The following CTNND2 variants were observed in gnomAD, a reference collection of about 807,000 sequenced individuals.
CTNND2 encodes catenin delta 2.
CTNND2 carries 22 observed loss-of-function variants against 144.4 expected under a neutral mutation model. The ratio of observed to expected loss-of-function variants is 0.15; its 90% confidence interval spans 0.11 to 0.22. The LOEUF is 0.22. Ranked by LOEUF, CTNND2 falls within the 10% of genes least tolerant of loss-of-function variation. CTNND2 has a pLI of 1.00. For missense variants in CTNND2, 1,353 were observed against 1,618.8 expected (o/e 0.84, Z 2.82); for synonymous variants, 751 against 695.6 (o/e 1.08, Z -1.25).
chr5:11,354,842 T>C (rs532145214), intron 8 of CTNND2, among the ~76,000 whole-genome samples: 1 of 152,286 alleles, frequency 6.6e-6, no homozygotes, highest in Admixed American at 6.5e-5. Context: ...GGATAGATCA[T>C]ATGTGGCCAC....
chr5:11,278,735 T>C (rs554476479), intron 9 of CTNND2, among the ~76,000 whole-genome samples: 8 of 151,980 alleles, frequency 5.3e-5, no homozygotes, highest in South Asian at 4.2e-4. Flanking sequence ...AGGAGGGAAA[T>C]AGATGAAGAT....
At chr5:11,153,228 C>T (rs1054624319) in intron 12 of CTNND2, among the ~76,000 whole-genome samples, 2 of 152,202 alleles carry the variant, frequency 1.3e-5, no homozygotes, top group Middle Eastern at 6.8e-3. Context: ...TGCCACTGCA[C>T]TCTAGCCTGG....
chr5:11,304,822 T>A (rs998683315), intron 9 of CTNND2, among the ~76,000 whole-genome samples: 1 of 152,222 alleles, frequency 6.6e-6, no homozygotes, highest in Admixed American at 6.5e-5. Context: ...GTTTTGTGCA[T>A]CCACCTGTTC....
rs1235541538 is a variant in CTNND2 at position 11,669,018 on chromosome 5, T to A, written c.174+63118A>T. Among the ~76,000 whole-genome samples the A allele has an allele frequency of 1.3e-5, 2 of 152,212 alleles. 1 individual carries two copies. Among genetic ancestry groups the A allele is most frequent in the Admixed American group, 1.3e-4 (2 of 15,286 alleles). On this transcript the variant is annotated intron_variant, in intron 2 of 21. Coordinates refer to ENST00000304623, the MANE Select transcript of CTNND2 (RefSeq NM_001332.4). ...AAAGCCCTTTCTGCATCTCTTGAGA[T>A]AATCATGTGGTTTTTGTCATTAGTT...
At chr5:11,319,514 C>T (rs749751512) in intron 9 of CTNND2, among the ~76,000 whole-genome samples, 13 of 151,950 alleles carry the variant, frequency 8.6e-5, no homozygotes, top group South Asian at 2.1e-4. Context: ...TTTATTTATT[C>T]GTTTATTTTT....
At chr5:11,302,876 G>T (rs778245669) in intron 9 of CTNND2, among the ~76,000 whole-genome samples, 1 of 152,168 alleles carries the variant, frequency 6.6e-6, no homozygotes, top group Non-Finnish European at 1.5e-5. Flanking sequence ...AGGAGGAGGA[G>T]GACCATTTCA....
At chr5:10,992,980 A>G (rs925312015) in intron 18 of CTNND2, among the ~76,000 whole-genome samples, 2 of 152,134 alleles carry the variant, frequency 1.3e-5, no homozygotes. Context: ...GATGCTCAGA[A>G]TGTTAGGGGA....
chr5:11,828,660 G>A (rs1247610462), intron 1 of CTNND2, among the ~76,000 whole-genome samples: 2 of 152,186 alleles, frequency 1.3e-5, no homozygotes, highest in Non-Finnish European at 2.9e-5. Flanking sequence ...CAGCCACGTG[G>A]AACAGTAATT....
At chr5:11,382,167 G>A (rs1444900335) in intron 7 of CTNND2, among the ~76,000 whole-genome samples, 1 of 152,122 alleles carries the variant, frequency 6.6e-6, no homozygotes, top group Non-Finnish European at 1.5e-5. Context: ...TTCCTAATTA[G>A]AGCCTTCCCT....
At chr5:11,026,356 C>CTTTTTTTTTTTTT (rs67196223) in intron 16 of CTNND2, among the ~76,000 whole-genome samples, 2 of 117,042 alleles carry the variant, frequency 1.7e-5, no homozygotes, top group African/African-American at 3.1e-5. Context: ...CCTTCTTCTT[C>CTTTTTTTTTTTTT]TTTTTTTTTT....
chr5:11,005,406 C>A lies in CTNND2; in HGVS notation c.3084+12568G>T, dbSNP rs146151869. On this transcript the variant is annotated intron_variant, in intron 18 of 21. Coordinates refer to ENST00000304623, the MANE Select transcript of CTNND2 (RefSeq NM_001332.4). ...AGATCGGGATTTTTAAAAGTATATT[C>A]TGAATGCTTAATGGAAAATAGACTG... Among the ~76,000 whole-genome samples the A allele has an allele frequency of 2.0e-5, 3 of 152,222 alleles. No homozygotes were observed. The East Asian group carries it at 5.8e-4, about 29-fold the overall frequency.
At chr5:11,424,726 G>A (rs77904019) in intron 3 of CTNND2, among the ~76,000 whole-genome samples, 2,039 of 152,212 alleles carry the variant, frequency 0.013, 21 homozygotes, top group African/African-American at 0.017. Context: ...TCCCAGACTG[G>A]TTCTTTATGT....
In CTNND2 at chr5:11,267,627, A is replaced by C. The variant is rs12653023; in HGVS notation, c.1629-30804T>G. Among the ~76,000 whole-genome samples the C allele has an allele frequency of 3.3e-5, 5 of 152,330 alleles. No homozygotes were observed. In the East Asian group the frequency reaches 9.6e-4, roughly 29 times the overall value. On this transcript the variant is annotated intron_variant, in intron 9 of 21. Coordinates refer to ENST00000304623, the MANE Select transcript of CTNND2 (RefSeq NM_001332.4). Reference sequence around the variant, plus strand: ...CCCAGCCCTGAAATGGCAAATGCCCACCGTGTGATTTAAAAGGACTGCACA... The same window carrying C: ...CCCAGCCCTGAAATGGCAAATGCCCCCCGTGTGATTTAAAAGGACTGCACA...
chr5:11,548,963 T>C (rs1393812463), intron 3 of CTNND2, among the ~76,000 whole-genome samples: 2 of 152,228 alleles, frequency 1.3e-5, no homozygotes, highest in Non-Finnish European at 2.9e-5. Flanking sequence ...AATGGTCCAG[T>C]TGAAGCTTAA....
chr5:11,372,829 C>T (rs1206564947), intron 7 of CTNND2, among the ~76,000 whole-genome samples: 1 of 152,176 alleles, frequency 6.6e-6, no homozygotes, highest in East Asian at 1.9e-4. Flanking sequence ...GTCCACGGAC[C>T]ACCCTTTGAG....
chr5:11,369,354 CTT>C (rs1185025838), intron 7 of CTNND2, among the ~76,000 whole-genome samples: 1 of 152,180 alleles, frequency 6.6e-6, no homozygotes, highest in Non-Finnish European at 1.5e-5. Flanking sequence ...TCAGGGGGTT[CTT>C]GACACAGAAA....
chr5:11,705,749 A>G (rs558666308), intron 2 of CTNND2, among the ~76,000 whole-genome samples: 1 of 152,214 alleles, frequency 6.6e-6, no homozygotes, highest in South Asian at 2.1e-4. Context: ...CCTTGACTCT[A>G]TGGTGAACCA....
intron 3 of CTNND2, among the ~76,000 whole-genome samples, chr5:11,564,506 T>A (rs1776922306): frequency 6.6e-6 from 1 of 152,164 alleles, no homozygotes; most frequent in African/African-American, 2.4e-5. Flanking sequence ...GTGTGGTTGA[T>A]CTTCAAGGGG....
intron 1 of CTNND2, among the ~76,000 whole-genome samples, chr5:11,817,968 C>T (rs551903256): frequency 2.2e-4 from 30 of 135,714 alleles, no homozygotes; most frequent in African/African-American, 6.3e-4. Context: ...AGTGAAGATA[C>T]GTATTATGAG....
Sources: gnomAD v4.1 joint callset for allele counts (sites outside exome capture counted in the v4.1 genomes callset) on GRCh38, gnomAD v4.1.1 for gene constraint, MANE v1.5 for transcripts, NCBI Gene and HGNC (gene_info 2026-07-23, HGNC 2026-07-21) for gene names.